The following PAX7 variants were observed in gnomAD, a reference collection of about 807,000 sequenced individuals.
PAX7 encodes paired box protein Pax-7.
PAX7 carries 18 observed loss-of-function variants against 50.7 expected under a neutral mutation model. The observed-to-expected ratio is 0.36, with a 90% CI of 0.25 to 0.53. The LOEUF (loss-of-function observed/expected upper bound fraction) is 0.53, where lower values mean the gene tolerates loss of function less well. Among genes scored for constraint, PAX7 ranks in the 20% least tolerant of loss-of-function variants. PAX7 has a pLI of 0.93. For synonymous variants in PAX7, 310 were observed against 290.4 expected, an observed-to-expected ratio of 1.07 and a Z score of -0.69; for missense variants, 644 against 702.9, an observed-to-expected ratio of 0.92 and a Z score of 0.95.
rs113318305 is a variant in PAX7 at position 18,731,470 on chromosome 1, C to G, written c.1156-4162C>G. Among the ~76,000 whole-genome samples the G allele has an allele frequency of 4.6e-5, 7 of 152,252 alleles. 1 individual carries two copies. Among genetic ancestry groups the G allele is most frequent in the African/African-American group, 1.7e-4 (7 of 41,546 alleles). On this transcript the variant is annotated intron_variant, in intron 7 of 8. Coordinates refer to ENST00000420770, the MANE Select transcript of PAX7 (RefSeq NM_001135254.2). ...CCGGCTGTGTGGTTGTGGGTGAGCC[C>G]TTTTGCTTCCTCGTGTCTCAATTTC...
intron 7 of PAX7, among the ~76,000 whole-genome samples, chr1:18,705,886 G>C (rs1343328132): frequency 1.3e-5 from 2 of 152,162 alleles, no homozygotes; most frequent in African/African-American, 4.8e-5. Flanking sequence ...AAGCTCAGAG[G>C]CTCCCATCAA....
intron 4 of PAX7, among the ~76,000 whole-genome samples, chr1:18,642,582 T>G (rs1022004689): frequency 2.0e-5 from 3 of 152,150 alleles, no homozygotes; most frequent in Non-Finnish European, 4.4e-5. Context: ...TTAGAGGCGC[T>G]GGGAAGATTA....
chr1:18,734,828 C>A (rs1186475248), intron 7 of PAX7, among the ~76,000 whole-genome samples: 1 of 152,198 alleles, frequency 6.6e-6, no homozygotes, highest in Non-Finnish European at 1.5e-5. Flanking sequence ...GGGCCAGAGT[C>A]ACCATCCATG....
intron 5 of PAX7, among the ~76,000 whole-genome samples, chr1:18,696,298 C>G (rs528367435): frequency 2.0e-5 from 3 of 152,090 alleles, no homozygotes; most frequent in Non-Finnish European, 2.9e-5. Context: ...AACTCCTGAC[C>G]TCAGGTGATC....
chr1:18,746,694 G>A lies in PAX7; in HGVS notation c.*1765G>A, dbSNP rs550938270. ...CAACAAGACATTCCTAGAGGGAAAG[G>A]GCTGCTGCTCTGGGAGTCAACCTGA... On this transcript the variant is annotated 3_prime_UTR_variant, in exon 9 of 9. Coordinates refer to ENST00000420770, the MANE Select transcript of PAX7 (RefSeq NM_001135254.2). 33 of 231,078 alleles carry A rather than the reference G, an allele frequency of 1.4e-4. No individual in the cohort carries two copies. Among genetic ancestry groups the A allele is most frequent in the Middle Eastern group, 1.2e-3 (1 of 802 alleles). The allele number at this position is 231,078 out of a possible 1,614,324, so 14.3% of individuals were successfully genotyped here. A position where few individuals can be genotyped will look rare whatever the true frequency, so the allele number is the denominator to read the frequency against.
At position 18,635,130 on chromosome 1, in the gene PAX7, T is replaced by C; in HGVS notation, c.341T>C (p.Val114Ala). 2.5e-6 allele frequency: 4 copies of C among 1,613,410 alleles called. No homozygotes were observed. The highest frequency in any genetic ancestry group is 3.4e-6 in the Non-Finnish European group (4 of 1,179,608). The change falls in exon 3 of 9, where the codon GTA becomes GCA. Residue 114 changes from valine to alanine, a missense_variant. Transcript: ENST00000420770. ...SKPRQVATPD[V>A]EKKIEEYKRE... is the part of the protein sequence containing the mutation. ...CTGAAGCAGGTGGCGACTCCGGATG[T>C]AGAGAAAAAGATTGAGGAGTACAAG...
At chr1:18,677,059 C>T (rs1270118463) in intron 4 of PAX7, among the ~76,000 whole-genome samples, 1 of 152,190 alleles carries the variant, frequency 6.6e-6, no homozygotes, top group African/African-American at 2.4e-5. Flanking sequence ...GTGAAGAGTC[C>T]TCTCATCTAA....
At position 18,632,832 on chromosome 1, in the gene PAX7, C is replaced by T. The variant is rs1040190937; in HGVS notation, c.85+1144C>T. ...GAGAGCGGCTCCGTGATCAAGTGCG[C>T]GCCGGCAGCCACGCAGGCGGGAGAG... On this transcript the variant is annotated intron_variant, in intron 1 of 8. Coordinates refer to ENST00000420770, the MANE Select transcript of PAX7 (RefSeq NM_001135254.2). The surrounding 1 kb of genome is among the most constrained non-coding windows in gnomAD (Gnocchi z 6.3). Among the ~76,000 whole-genome samples the T allele has an allele frequency of 6.6e-6, 1 of 152,124 alleles. No individual in the cohort carries two copies. The highest frequency in any genetic ancestry group is 1.5e-5 in the Non-Finnish European group (1 of 68,020).
intron 4 of PAX7, among the ~76,000 whole-genome samples, chr1:18,678,978 T>A (rs2088861120): frequency 6.6e-6 from 1 of 152,214 alleles, no homozygotes; most frequent in African/African-American, 2.4e-5. Flanking sequence ...CCTTTGAGCC[T>A]CAGTTTTCAC....
chr1:18,739,744 G>C (rs1445454427), intron 8 of PAX7, among the ~76,000 whole-genome samples: 2 of 152,112 alleles, frequency 1.3e-5, no homozygotes, highest in African/African-American at 4.8e-5. Flanking sequence ...TCTTGCCAGG[G>C]ACACCTTCAC....
Position 18,744,848 on chromosome 1 carries a change from C to T in PAX7, c.1437C>T (p.Leu479=), listed in dbSNP as rs758282716. The T allele has an allele frequency of 2.6e-6, 4 of 1,556,956 alleles. No individual in the cohort carries two copies. Among genetic ancestry groups the T allele is most frequent in the Middle Eastern group, 1.7e-4 (1 of 5,994 alleles). Residue 479 remains leucine (L), a synonymous_variant, in exon 9 of 9, where the codon CTC becomes CTT. Coordinates refer to ENST00000420770, the MANE Select transcript of PAX7 (RefSeq NM_001135254.2). The part of the protein sequence containing the change: ...AVDYLAKNVS[L]STQRRMKLGE... The stretch of plus-strand genomic sequence containing the variant: ...ATTATCTGGCCAAAAATGTGAGCCT[C>T]TCCACCCAGCGTCGCATGAAGCTCG...
At chr1:18,635,821 T>C (rs1472434395) in intron 3 of PAX7, among the ~76,000 whole-genome samples, 2 of 127,192 alleles carry the variant, frequency 1.6e-5, no homozygotes, top group Non-Finnish European at 3.7e-5. Flanking sequence ...TGTGTGTGTA[T>C]GTGTGTGTGT....
intron 8 of PAX7, among the ~76,000 whole-genome samples, chr1:18,739,193 G>A (rs1223365470): frequency 6.6e-6 from 1 of 152,196 alleles, no homozygotes; most frequent in Non-Finnish European, 1.5e-5. Context: ...GCTCAGAGAG[G>A]CGAGGTAGCT....
intron 4 of PAX7, among the ~76,000 whole-genome samples, chr1:18,678,095 A>G (rs1368136204): frequency 1.3e-5 from 2 of 149,400 alleles, no homozygotes; most frequent in African/African-American, 2.5e-5. Context: ...AAAAAAAAAA[A>G]AGAAAAAGAA....
intron 7 of PAX7, among the ~76,000 whole-genome samples, chr1:18,718,297 C>A (rs912758633): frequency 1.3e-5 from 2 of 152,160 alleles, no homozygotes; most frequent in African/African-American, 2.4e-5. Flanking sequence ...AGAATCCAGG[C>A]CATACCTGCC....
chr1:18,748,334 CCTCTCT>C lies in PAX7; in HGVS notation c.*3407_*3412del, dbSNP rs1363481411. 2 of 228,844 alleles carry C rather than the reference CCTCTCT, an allele frequency of 8.7e-6. No homozygotes were observed. Among genetic ancestry groups the C allele is most frequent in the East Asian group, 1.2e-4 (2 of 16,098 alleles). The allele number at this position is 228,844 out of a possible 1,614,324, so 14.2% of individuals were successfully genotyped here. ...CCAACTAAAAAGATGTTCTCTGGGA[CCTCTCT>C]CAGGCTGATGTTCTTCTCATCAAGC... On this transcript the variant is annotated 3_prime_UTR_variant, in exon 9 of 9. Coordinates refer to ENST00000420770, the MANE Select transcript of PAX7 (RefSeq NM_001135254.2).
At chr1:18,683,060 G>T (rs2088921878) in intron 4 of PAX7, among the ~76,000 whole-genome samples, 1 of 152,146 alleles carries the variant, frequency 6.6e-6, no homozygotes, top group African/African-American at 2.4e-5. Context: ...GCTACAGCCA[G>T]AAACCAGAGC....
chr1:18,665,716 G>A (rs1160505190), intron 4 of PAX7, among the ~76,000 whole-genome samples: 1 of 135,640 alleles, frequency 7.4e-6, no homozygotes, highest in Non-Finnish European at 1.5e-5. Context: ...TGTTGCCCAG[G>A]CTGGAGTACA....
chr1:18,668,253 C>T (rs1191151168), intron 4 of PAX7, among the ~76,000 whole-genome samples: 1 of 152,198 alleles, frequency 6.6e-6, no homozygotes, highest in African/African-American at 2.4e-5. Context: ...ACATTAGATG[C>T]CTGAGCCACA....
Sources: allele counts gnomAD v4.1 joint callset (sites outside exome capture counted in the v4.1 genomes callset), GRCh38; gene constraint gnomAD v4.1.1; non-coding constraint Gnocchi (gnomAD v3.1); transcripts MANE v1.5; gene names NCBI Gene and HGNC (gene_info 2026-07-23, HGNC 2026-07-21).